Variants in CIB1 observed in about 807,000 individuals in gnomAD.
The protein encoded by CIB1 is calcium and integrin binding 1.
A neutral mutation model predicts 25.0 loss-of-function variants in CIB1; 19 were observed. The observed-to-expected ratio is 0.76, with a 90% CI of 0.53 to 1.12. CIB1 has a LOEUF of 1.12. Ranked by LOEUF, CIB1 falls within the 50% of genes most tolerant of loss-of-function variation. The pLI, the probability that CIB1 is intolerant of heterozygous loss-of-function variation, is 0.00. For synonymous variants in CIB1, 104 were observed against 98.5 expected (o/e 1.06, Z -0.33); for missense variants, 236 against 242.6 (o/e 0.97, Z 0.18).
At chr15:90,254,188 G>GTTGTTGTTT in the CIB1 span, among the ~76,000 whole-genome samples, 1 of 104,006 alleles carries the variant, frequency 9.6e-6, no homozygotes, top group African/African-American at 4.8e-5. Context: ...GTGAGACCCT[G>GTTGTTGTTT]TTTTTTTTTT....
In CIB1 at chr15:90,233,834, C is replaced by G. The variant is rs1441737070; in HGVS notation, c.51+1G>C. The G allele has an allele frequency of 1.3e-6, 2 of 1,541,682 alleles. No individual in the cohort carries two copies. Among genetic ancestry groups the G allele is most frequent in the Non-Finnish European group, 1.7e-6 (2 of 1,143,062 alleles). ...TCCCCAGGGCCAGGCGTCCCGCGCACCTGGTACTCGGCCAGCAGCTCCTTG... is the reference window on the plus strand; with the variant it reads ...TCCCCAGGGCCAGGCGTCCCGCGCAGCTGGTACTCGGCCAGCAGCTCCTTG... On this transcript the variant is annotated splice_donor_variant, in intron 1 of 6. Transcript: ENST00000328649. LOFTEE classifies it high-confidence loss of function.
At position 90,231,691 on chromosome 15, in the gene CIB1, G is replaced by C. The variant is rs544258960; in HGVS notation, c.196-184C>G. On this transcript the variant is annotated intron_variant, in intron 3 of 6. Coordinates refer to ENST00000328649, the MANE Select transcript of CIB1 (RefSeq NM_006384.4). ...ACAGGAAAGCAAACTGACCCAGCTGGGGAAGGGACTGAGATGGCTTCCTGG... is the reference window on the plus strand; with the variant it reads ...ACAGGAAAGCAAACTGACCCAGCTGCGGAAGGGACTGAGATGGCTTCCTGG... 8.5e-5 allele frequency among the ~76,000 whole-genome samples: 13 copies of C among 152,336 alleles called. No individual in the cohort carries two copies. The South Asian group carries it at 2.7e-3, about 32-fold the overall frequency.
chr15:90,234,019 C>A, upstream of CIB1: 1 of 1,044,552 alleles, frequency 9.6e-7, no homozygotes, highest in South Asian at 1.8e-5. Flanking sequence ...GGCCCGCCCC[C>A]TCCTAAAAGC....
the CIB1 span, chr15:90,243,007 G>GTTC: frequency 0.53 from 80,896 of 151,614 alleles, 23,305 homozygotes; most frequent in African/African-American, 0.75. Flanking sequence ...ACCTCTCCCC[G>GTTC]TTCTTGTTCA....
At chr15:90,250,628 A>C in the CIB1 span, 1 of 1,611,344 alleles carries the variant, frequency 6.2e-7, no homozygotes, top group Admixed American at 1.7e-5. Context: ...AGAATCTGAG[A>C]GAATGGAGCC....
chr15:90,235,766 C>A (rs1446865741), upstream of CIB1, among the ~76,000 whole-genome samples: 1 of 152,012 alleles, frequency 6.6e-6, no homozygotes, highest in African/African-American at 2.4e-5. Flanking sequence ...GACGGGGTTT[C>A]ACCCTGTTAG....
the CIB1 span, chr15:90,241,538 C>A: frequency 6.2e-7 from 1 of 1,613,466 alleles, no homozygotes; most frequent in South Asian, 1.1e-5. Flanking sequence ...GCCTGGGAGG[C>A]TTGGCCTCGG....
the CIB1 span, chr15:90,241,349 T>C: frequency 8.2e-5 from 132 of 1,614,212 alleles, no homozygotes; most frequent in African/African-American, 1.5e-3. Context: ...TCCCTGGGAC[T>C]CTGCTGCAAG....
At chr15:90,262,053 G>A in the CIB1 span, 198 of 1,535,938 alleles carry the variant, frequency 1.3e-4, 1 homozygote, top group South Asian at 2.0e-3. Flanking sequence ...GACCAGGAAC[G>A]ATATGAGGAT....
the CIB1 span, chr15:90,241,698 C>T: frequency 6.2e-7 from 1 of 1,614,044 alleles, no homozygotes; most frequent in East Asian, 2.2e-5. Flanking sequence ...TGGGCCAGGG[C>T]CTGACTTGGA....
rs564545691 is a variant in CIB1, at chr15:90,231,275, C to T, written c.347-62G>A. On this transcript the variant is annotated intron_variant, in intron 4 of 6. Coordinates refer to ENST00000328649, the MANE Select transcript of CIB1 (RefSeq NM_006384.4). ...GGGAGGGGCTCTGAGGTTCCCCAAA[C>T]GGCGCCCATTTCCCAAGCAGGGCCA... 298 of 1,607,784 alleles carry T rather than the reference C, an allele frequency of 1.9e-4. No homozygotes were observed. In the African/African-American group the frequency reaches 3.2e-3, roughly 17 times the overall value.
the CIB1 span, chr15:90,265,568 T>G: frequency 1.4e-6 from 2 of 1,385,214 alleles, no homozygotes; most frequent in South Asian, 1.4e-5. Flanking sequence ...CTGAGCAGCG[T>G]GAGCCCAGAT....
chr15:90,262,023 C>T, the CIB1 span: 4 of 1,534,024 alleles, frequency 2.6e-6, no homozygotes, highest in Non-Finnish European at 2.6e-6. Flanking sequence ...AAAACTGAGT[C>T]ATCCCATGTG....
the CIB1 span, chr15:90,243,647 T>TTTG: frequency 1.6e-4 from 7 of 43,988 alleles, no homozygotes; most frequent in African/African-American, 5.1e-4. Context: ...CAGGTTTTTT[T>TTTG]TTTTTTTTTT....
the CIB1 span, chr15:90,255,821 C>A: frequency 2.5e-6 from 4 of 1,614,130 alleles, no homozygotes; most frequent in Non-Finnish European, 3.4e-6. Context: ...GAACCTCAAC[C>A]GCATGTACAA....
At chr15:90,258,932 G>C in the CIB1 span, 1 of 1,614,184 alleles carries the variant, frequency 6.2e-7, no homozygotes, top group Non-Finnish European at 8.5e-7. Context: ...ATCTAGGTGT[G>C]CTAGGTGTCT....
upstream of CIB1, among the ~76,000 whole-genome samples, chr15:90,237,315 C>G (rs1434458947): frequency 8.3e-6 from 1 of 119,986 alleles, no homozygotes; most frequent in East Asian, 2.7e-4. Context: ...TGGAGTCTTG[C>G]TCTGTCACCA....
the CIB1 span, chr15:90,257,518 T>G: frequency 9.5e-7 from 1 of 1,050,936 alleles, no homozygotes; most frequent in Non-Finnish European, 1.4e-6. Flanking sequence ...AGTCCTCTGG[T>G]GGAGAGAGAC....
chr15:90,257,271 A>G, the CIB1 span: 2 of 1,611,906 alleles, frequency 1.2e-6, no homozygotes, highest in East Asian at 2.2e-5. Context: ...GAGCCCAGCC[A>G]TAACAACCTG....
Sources: gnomAD v4.1 joint callset for allele counts (sites outside exome capture counted in the v4.1 genomes callset) on GRCh38, gnomAD v4.1.1 for gene constraint, MANE v1.5 for transcripts, NCBI Gene and HGNC (gene_info 2026-07-23, HGNC 2026-07-21) for gene names.